The following AGBL1 variants were observed in gnomAD, a reference collection of about 807,000 sequenced individuals.
AGBL1 encodes AGBL carboxypeptidase 1.
In AGBL1, 130 loss-of-function variants were observed where a neutral mutation model predicts 118.9. The observed-to-expected ratio is 1.09, with a 90% confidence interval of 0.95 to 1.26. AGBL1 has a LOEUF of 1.26. Ranked by LOEUF, AGBL1 falls within the 50% of genes most tolerant of loss-of-function variation. AGBL1 has a pLI of 0.00. For synonymous variants in AGBL1, 555 were observed against 478.9 expected, an observed-to-expected ratio of 1.16 and a Z score of -2.08; for missense variants, 1,584 against 1,298.1, an observed-to-expected ratio of 1.22 and a Z score of -3.38.
At chr15:86,772,782 G>A (rs2078199803) in intron 22 of AGBL1, among the ~76,000 whole-genome samples, 1 of 152,076 alleles carries the variant, frequency 6.6e-6, no homozygotes, top group Non-Finnish European at 1.5e-5. Flanking sequence ...GATAGCTGCT[G>A]ATACGTACAA....
intron 22 of AGBL1, among the ~76,000 whole-genome samples, chr15:86,843,303 T>C (rs542997925): frequency 6.6e-6 from 1 of 152,132 alleles, no homozygotes; most frequent in South Asian, 2.1e-4. Flanking sequence ...GCAAGAATAG[T>C]ATAGGTTTCA....
chr15:86,435,871 A>G (rs918833159), intron 18 of AGBL1, among the ~76,000 whole-genome samples: 2 of 152,336 alleles, frequency 1.3e-5, no homozygotes, highest in South Asian at 2.1e-4. Context: ...ATCTTCAGCT[A>G]TTGTAATTCT....
chr15:86,822,407 A>T (rs56800025), intron 22 of AGBL1, among the ~76,000 whole-genome samples: 3 of 152,126 alleles, frequency 2.0e-5, no homozygotes, highest in Non-Finnish European at 4.4e-5. Context: ...CCAGGCTAAG[A>T]CAATGGCACC....
chr15:86,798,438 A>G (rs2078604355), intron 22 of AGBL1, among the ~76,000 whole-genome samples: 1 of 152,052 alleles, frequency 6.6e-6, no homozygotes, highest in South Asian at 2.1e-4. Flanking sequence ...GAATCTCTTT[A>G]TGTTAAGAGT....
chr15:86,572,715 C>G (rs1453571773), intron 21 of AGBL1, among the ~76,000 whole-genome samples: 1 of 152,202 alleles, frequency 6.6e-6, no homozygotes, highest in African/African-American at 2.4e-5. Context: ...ATCGCCACAG[C>G]TGCTCCCGCA....
At chr15:86,443,043 C>A (rs1029658242) in intron 18 of AGBL1, among the ~76,000 whole-genome samples, 1 of 152,184 alleles carries the variant, frequency 6.6e-6, no homozygotes, top group African/African-American at 2.4e-5. Context: ...GTGCATCTCT[C>A]CCCGGATACT....
chr15:86,346,776 A>G (rs1218315298), intron 17 of AGBL1, among the ~76,000 whole-genome samples: 1 of 152,194 alleles, frequency 6.6e-6, no homozygotes, highest in Non-Finnish European at 1.5e-5. Flanking sequence ...GACCTTTTGT[A>G]ATTAGTCATA....
chr15:86,630,603 C>G (rs1046147748), intron 21 of AGBL1: 5 of 152,260 alleles, frequency 3.3e-5, no homozygotes, highest in African/African-American at 1.2e-4. Context: ...ATGAGCCACT[C>G]TTTGAGTTGT....
intron 18 of AGBL1, among the ~76,000 whole-genome samples, chr15:86,457,882 A>G (rs1196022246): frequency 6.6e-6 from 1 of 152,146 alleles, no homozygotes; most frequent in African/African-American, 2.4e-5. Flanking sequence ...TGGGCCTGGG[A>G]TTAGTGAGTG....
intron 14 of AGBL1, 63 bp downstream of exon 14, chr15:86,270,130 T>A: frequency 6.5e-7 from 1 of 1,543,624 alleles, no homozygotes; most frequent in Non-Finnish European, 8.7e-7. Context: ...TCTTGACTGT[T>A]TGGATTCAAA....
At chr15:86,650,772 CT>C (rs1432262379) in intron 21 of AGBL1, among the ~76,000 whole-genome samples, 1 of 152,206 alleles carries the variant, frequency 6.6e-6, no homozygotes, top group Non-Finnish European at 1.5e-5. Flanking sequence ...TGTCTAGAGG[CT>C]TCTTTCCCGA....
At chr15:86,865,948 C>G (rs1466283300) in intron 22 of AGBL1, among the ~76,000 whole-genome samples, 1 of 152,106 alleles carries the variant, frequency 6.6e-6, no homozygotes, top group Non-Finnish European at 1.5e-5. Context: ...GGCATATAAC[C>G]AAGTGCTTGG....
At chr15:86,378,577 T>G (rs375387452) in intron 17 of AGBL1, among the ~76,000 whole-genome samples, 2 of 152,206 alleles carry the variant, frequency 1.3e-5, no homozygotes, top group East Asian at 3.9e-4. Flanking sequence ...TATGCTGATT[T>G]CACAGGGGCT....
chr15:86,427,032 C>G (rs2081876019), intron 18 of AGBL1, among the ~76,000 whole-genome samples: 2 of 152,096 alleles, frequency 1.3e-5, no homozygotes, highest in South Asian at 4.1e-4. Flanking sequence ...TCCGAAAGTG[C>G]TGAGATTACA....
chr15:86,914,276 G>A lies in AGBL1; in HGVS notation c.*6982G>A, dbSNP rs952347003. 6.6e-6 allele frequency: 1 copy of A among 152,176 alleles called. No homozygotes were observed. 9.4% of individuals were successfully genotyped at this position (152,176 alleles called of 1,614,324 possible). A position where few individuals can be genotyped will look rare whatever the true frequency, so the allele number is the denominator to read the frequency against. ...TCATTCTGAAGAGGAAGTTATTTTG[G>A]GAGGTATTAGAGGAGGAAAAATCTG... On this transcript the variant is annotated 3_prime_UTR_variant, in exon 23 of 23. Transcript: ENST00000614907.
intron 22 of AGBL1, among the ~76,000 whole-genome samples, chr15:86,757,797 C>A (rs986365582): frequency 6.6e-6 from 1 of 152,056 alleles, no homozygotes; most frequent in Non-Finnish European, 1.5e-5. Context: ...AGTTTCTAGC[C>A]TTGAACTATG....
chr15:86,743,950 A>G (rs1407752412), intron 22 of AGBL1, among the ~76,000 whole-genome samples: 1 of 152,124 alleles, frequency 6.6e-6, no homozygotes, highest in Non-Finnish European at 1.5e-5. Flanking sequence ...AAGTTAGGAA[A>G]AGATAACTTA....
intron 15 of AGBL1, among the ~76,000 whole-genome samples, chr15:86,272,195 G>A (rs1293750343): frequency 5.3e-5 from 8 of 152,146 alleles, no homozygotes; most frequent in Non-Finnish European, 1.0e-4. Context: ...AAATAAAAGA[G>A]GGAGGAGTTT....
At chr15:86,697,584 A>T (rs2086284419) in intron 22 of AGBL1, among the ~76,000 whole-genome samples, 1 of 150,730 alleles carries the variant, frequency 6.6e-6, no homozygotes, top group East Asian at 2.0e-4. Flanking sequence ...CAACCTTCTG[A>T]CAATTCAGGG....
Sources: allele counts gnomAD v4.1 joint callset (sites outside exome capture counted in the v4.1 genomes callset), GRCh38; gene constraint gnomAD v4.1.1; transcripts MANE v1.5; gene names NCBI Gene and HGNC (gene_info 2026-07-23, HGNC 2026-07-21).